ZMIZ1: variants seen among roughly 807,000 people sequenced by gnomAD.
ZMIZ1 encodes the protein zinc finger MIZ domain-containing protein 1.
Under a neutral mutation model 113.9 loss-of-function variants are expected in ZMIZ1, and 17 were observed. That is an observed-to-expected ratio of 0.15 (90% CI 0.10 to 0.22). The LOEUF is 0.22. ZMIZ1 is among the 10% of genes least tolerant of loss of function. ZMIZ1 has a pLI of 1.00. For missense variants in ZMIZ1, 1,059 were observed against 1,477.8 expected, an observed-to-expected ratio of 0.72 and a Z score of 4.65; for synonymous variants, 607 against 603.1, an observed-to-expected ratio of 1.01 and a Z score of -0.09.
At chr10:79,311,736 A>T (rs1855183110) in intron 24 of ZMIZ1, among the ~76,000 whole-genome samples, 1 of 152,072 alleles carries the variant, frequency 6.6e-6, no homozygotes, top group Non-Finnish European at 1.5e-5. Context: ...GCAGGCCATC[A>T]TGGGCAGCAG....
chr10:79,246,521 G>A (rs1275226573), intron 7 of ZMIZ1, among the ~76,000 whole-genome samples: 1 of 152,208 alleles, frequency 6.6e-6, no homozygotes, highest in Non-Finnish European at 1.5e-5. Context: ...GGGGCCTGTG[G>A]CTGGGATCCT....
At chr10:79,082,792 G>C (rs976839235) in intron 1 of ZMIZ1, among the ~76,000 whole-genome samples, 1 of 152,216 alleles carries the variant, frequency 6.6e-6, no homozygotes, top group African/African-American at 2.4e-5. Context: ...CAGGCCCTGC[G>C]TCACTTCCAG....
At chr10:79,309,294 G>A (rs912252236) in intron 23 of ZMIZ1, among the ~76,000 whole-genome samples, 3 of 152,226 alleles carry the variant, frequency 2.0e-5, no homozygotes, top group Admixed American at 1.3e-4. Flanking sequence ...ATACGAAGCT[G>A]AGGGGCACAG....
At chr10:79,297,104 G>T (rs1469514713) in intron 13 of ZMIZ1, among the ~76,000 whole-genome samples, 1 of 151,940 alleles carries the variant, frequency 6.6e-6, no homozygotes, top group Non-Finnish European at 1.5e-5. Flanking sequence ...GAGCCCCTGG[G>T]GTTTTTACTT....
intron 7 of ZMIZ1, among the ~76,000 whole-genome samples, chr10:79,223,346 GCCTGGCAGGCTGGGGCACCT>G (rs1184789521): frequency 1.3e-5 from 2 of 152,216 alleles, no homozygotes; most frequent in Admixed American, 6.5e-5. Context: ...AATGCCAGCC[GCCTGGCAGGCTGGGGCACCT>G]TTTCAAGGTC....
chr10:79,123,740 T>G (rs910186778), intron 2 of ZMIZ1, among the ~76,000 whole-genome samples: 7 of 152,198 alleles, frequency 4.6e-5, no homozygotes, highest in Non-Finnish European at 1.0e-4. Flanking sequence ...TGTGTGGCTT[T>G]AGGCTGCCGG....
At chr10:79,112,725 C>T (rs1843799164) in intron 1 of ZMIZ1, among the ~76,000 whole-genome samples, 1 of 152,190 alleles carries the variant, frequency 6.6e-6, no homozygotes, top group South Asian at 2.1e-4. Context: ...AAGGACATTT[C>T]CCCGAAACCA....
chr10:79,127,500 G>A (rs1351507177), intron 2 of ZMIZ1, among the ~76,000 whole-genome samples: 1 of 151,906 alleles, frequency 6.6e-6, no homozygotes, highest in Admixed American at 6.6e-5. Flanking sequence ...ACAGCAGGGG[G>A]TGGCAAGCTT....
At chr10:79,225,022 C>T (rs1849145240) in intron 7 of ZMIZ1, among the ~76,000 whole-genome samples, 1 of 152,214 alleles carries the variant, frequency 6.6e-6, no homozygotes, top group Admixed American at 6.5e-5. Context: ...GGCATTTCTC[C>T]ACCATCTCTC....
chr10:79,111,446 A>G (rs183475570), intron 1 of ZMIZ1, among the ~76,000 whole-genome samples: 7 of 152,202 alleles, frequency 4.6e-5, no homozygotes, highest in African/African-American at 1.7e-4. Context: ...ACCCTCTCCC[A>G]TAAGAAGTTT....
At chr10:79,085,023 C>T (rs756057047) in intron 1 of ZMIZ1, among the ~76,000 whole-genome samples, 10 of 152,150 alleles carry the variant, frequency 6.6e-5, no homozygotes, top group African/African-American at 1.7e-4. Flanking sequence ...TTGGCTCTGC[C>T]GGACGCTGCC....
At chr10:79,240,432 C>G (rs139537630) in intron 7 of ZMIZ1, among the ~76,000 whole-genome samples, 1 of 152,252 alleles carries the variant, frequency 6.6e-6, no homozygotes, top group East Asian at 1.9e-4. Context: ...CCCTCTGAAG[C>G]AGAGACTGGT....
chr10:79,116,816 T>C (rs558999542), intron 1 of ZMIZ1, among the ~76,000 whole-genome samples: 1 of 152,332 alleles, frequency 6.6e-6, no homozygotes, highest in South Asian at 2.1e-4. Context: ...GAGCCCCCTG[T>C]GCCCTCTACT....
intron 8 of ZMIZ1, among the ~76,000 whole-genome samples, chr10:79,282,057 A>T (rs531971938): frequency 6.6e-6 from 1 of 152,190 alleles, no homozygotes; most frequent in Admixed American, 6.5e-5. Flanking sequence ...GTGGTTAGGC[A>T]ATTGAAAGTT....
intron 3 of ZMIZ1, among the ~76,000 whole-genome samples, chr10:79,150,497 A>G (rs1845670745): frequency 6.6e-6 from 1 of 152,212 alleles, no homozygotes; most frequent in Admixed American, 6.5e-5. Context: ...ACCTAGCAGG[A>G]GAAACCTCAC....
intron 7 of ZMIZ1, among the ~76,000 whole-genome samples, chr10:79,220,986 G>T (rs1848943053): frequency 6.6e-6 from 1 of 152,274 alleles, no homozygotes; most frequent in Admixed American, 6.5e-5. Context: ...TGTGTGCATG[G>T]TTGTGTACAT....
intron 7 of ZMIZ1, among the ~76,000 whole-genome samples, chr10:79,263,788 G>A (rs76836169): frequency 0.048 from 7,256 of 152,138 alleles, 216 homozygotes; most frequent in Middle Eastern, 0.095. Flanking sequence ...ATGGTCTCTT[G>A]CCGTCTGTGA....
At chr10:79,250,349 T>G (rs1850472681) in intron 7 of ZMIZ1, among the ~76,000 whole-genome samples, 1 of 152,236 alleles carries the variant, frequency 6.6e-6, no homozygotes, top group Non-Finnish European at 1.5e-5. Context: ...ATCTGGGGGC[T>G]TATCCCTCCT....
At chr10:79,169,195 C>T (rs1221893840) in intron 4 of ZMIZ1, among the ~76,000 whole-genome samples, 1 of 152,184 alleles carries the variant, frequency 6.6e-6, no homozygotes, top group East Asian at 1.9e-4. Context: ...TCGCCCTTGC[C>T]AATAGCCCCT....
Sources: allele counts gnomAD v4.1 joint callset (sites outside exome capture counted in the v4.1 genomes callset), GRCh38; gene constraint gnomAD v4.1.1; transcripts MANE v1.5; gene names NCBI Gene and HGNC (gene_info 2026-07-23, HGNC 2026-07-21).